The following PDE5A variants were observed in gnomAD, a reference collection of about 807,000 sequenced individuals.
PDE5A encodes cGMP-specific 3',5'-cyclic phosphodiesterase.
In PDE5A, 67 loss-of-function variants were observed where a neutral mutation model predicts 110.2. The ratio of observed to expected loss-of-function variants is 0.61; its 90% confidence interval spans 0.50 to 0.75. The LOEUF (loss-of-function observed/expected upper bound fraction) is 0.75. PDE5A is among the 30% of genes least tolerant of loss of function. PDE5A has a pLI of 0.00. For synonymous variants in PDE5A, 328 were observed against 351.2 expected (o/e 0.93, Z 0.74); for missense variants, 862 against 1,045.1 (o/e 0.82, Z 2.42).
intron 20 of PDE5A, 147 bp downstream of exon 20, chr4:119,501,023 T>G (rs1725303551): frequency 3.3e-6 from 2 of 597,502 alleles, no homozygotes; most frequent in Non-Finnish European, 5.9e-6. Context: ...TACAAACATG[T>G]TCATCAGTAA....
chr4:119,552,691 T>A (rs1236216182), intron 8 of PDE5A, 54 bp from the exon 9 acceptor site: 4 of 919,698 alleles, frequency 4.3e-6, no homozygotes, highest in Non-Finnish European at 6.6e-6. Context: ...GATTGATTTG[T>A]CCATTAGATG....
chr4:119,607,270 C>A lies in PDE5A; in HGVS notation c.180G>T (p.Glu60Asp). The A allele has an allele frequency of 6.2e-7, 1 of 1,611,948 alleles. No individual in the cohort carries two copies. The highest frequency in any genetic ancestry group is 8.5e-7 in the Non-Finnish European group (1 of 1,179,824). Residue 60 changes from glutamate to aspartate, a missense_variant, in exon 2 of 21, where the codon GAG becomes GAT. Coordinates refer to ENST00000354960, the MANE Select transcript of PDE5A (RefSeq NM_001083.4). ...TREMVNAWFA[E>D]RVHTIPVCKE... ...TGCACACAGGGATGGTGTGAACTCT[C>A]TCAGCAAACCATGCATTGACCATTT...
rs1730092949 is a variant in PDE5A, at chr4:119,620,174, T to C, written c.152+8346A>G. ...TTAGATGATTAAGAGATTAACAGAC[T>C]ATTATTAAACAAAACGGGAGATTTT... On this transcript the variant is annotated intron_variant, in intron 1 of 20. Transcript: ENST00000354960. Among the ~76,000 whole-genome samples, 3 of 152,226 alleles carry C rather than the reference T, an allele frequency of 2.0e-5. No homozygotes were observed. In the South Asian group the frequency reaches 6.2e-4, roughly 31 times the overall value.
At chr4:119,550,072 A>C (rs1229489907) in intron 9 of PDE5A, 1 of 152,134 alleles carries the variant, frequency 6.6e-6, no homozygotes. Flanking sequence ...TCCATGCTAC[A>C]ACTGTAGGTA....
intron 3 of PDE5A, among the ~76,000 whole-genome samples, chr4:119,575,599 G>A (rs904800211): frequency 6.6e-6 from 1 of 152,112 alleles, no homozygotes; most frequent in African/African-American, 2.4e-5. Context: ...CTTCATAAGT[G>A]AAGGAGAAAT....
intron 11 of PDE5A, among the ~76,000 whole-genome samples, chr4:119,537,802 T>G: frequency 6.6e-6 from 1 of 151,730 alleles, no homozygotes; most frequent in East Asian, 2.0e-4. Context: ...AACCTGCAGT[T>G]TCAGGGAAGT....
At chr4:119,613,357 T>C (rs1436256138) in intron 1 of PDE5A, among the ~76,000 whole-genome samples, 1 of 152,192 alleles carries the variant, frequency 6.6e-6, no homozygotes, top group African/African-American at 2.4e-5. Flanking sequence ...TTTGATAGAA[T>C]TAACTTTAAT....
At chr4:119,563,125 C>A (rs1462400638) in intron 5 of PDE5A, among the ~76,000 whole-genome samples, 155 bp from the exon 6 acceptor site, 2 of 152,128 alleles carry the variant, frequency 1.3e-5, no homozygotes, top group African/African-American at 2.4e-5. Flanking sequence ...TAACAAAATC[C>A]TTTATTGACT....
At chr4:119,561,556 T>C (rs1727746964) in intron 6 of PDE5A, among the ~76,000 whole-genome samples, 1 of 152,164 alleles carries the variant, frequency 6.6e-6, no homozygotes, top group South Asian at 2.1e-4. Context: ...AAAGGAGTGC[T>C]TCACATATAA....
chr4:119,496,005 A>G lies in PDE5A; in HGVS notation c.*2596T>C, dbSNP rs1226106834. The G allele has an allele frequency of 1.3e-5, 2 of 152,150 alleles. No homozygotes were observed. The highest frequency in any genetic ancestry group is 4.8e-5 in the African/African-American group (2 of 41,456). 9.4% of individuals were successfully genotyped at this position (152,150 alleles called of 1,614,324 possible). Reference sequence around the variant, plus strand: ...CAAACATAACTCCTTTTAAAAAAGCACAACTTGTTTAGGCACACAGAGGTT... The same window carrying G: ...CAAACATAACTCCTTTTAAAAAAGCGCAACTTGTTTAGGCACACAGAGGTT... On this transcript the variant is annotated 3_prime_UTR_variant, in exon 21 of 21. Transcript: ENST00000354960.
At chr4:119,628,496 G>C in intron 1 of PDE5A, 24 bp downstream of exon 1, 1 of 1,533,284 alleles carries the variant, frequency 6.5e-7, no homozygotes, top group African/African-American at 1.4e-5. Flanking sequence ...TCAGCCCCGG[G>C]TCTTCCGTGG....
chr4:119,616,483 C>T (rs1729947229), intron 1 of PDE5A, among the ~76,000 whole-genome samples: 2 of 152,124 alleles, frequency 1.3e-5, no homozygotes, highest in Non-Finnish European at 2.9e-5. Flanking sequence ...TCTTGCAGCT[C>T]AAACTGCTTA....
At chr4:119,608,775 A>AAAG (rs1729631773) in intron 1 of PDE5A, among the ~76,000 whole-genome samples, 1 of 152,218 alleles carries the variant, frequency 6.6e-6, no homozygotes, top group African/African-American at 2.4e-5. Flanking sequence ...TATACCAAAC[A>AAAG]AAAGTCCAGG....
intron 3 of PDE5A, among the ~76,000 whole-genome samples, chr4:119,574,107 T>C (rs1185681120): frequency 6.7e-6 from 1 of 148,630 alleles, no homozygotes; most frequent in African/African-American, 2.5e-5. Context: ...CCAGACTTGA[T>C]CCCAAGAGCT....
chr4:119,614,931 C>A (rs1294041977), intron 1 of PDE5A, among the ~76,000 whole-genome samples: 6 of 152,074 alleles, frequency 3.9e-5, no homozygotes, highest in Non-Finnish European at 5.9e-5. Context: ...CCAGTTCTGG[C>A]CTTTTATGAA....
intron 7 of PDE5A, 78 bp downstream of exon 7, chr4:119,560,218 A>G: frequency 2.5e-6 from 2 of 800,454 alleles, no homozygotes; most frequent in Non-Finnish European, 2.0e-6. Flanking sequence ...TATTTCTTAA[A>G]TCAAACTGGT....
chr4:119,499,816 C>CAA (rs1204521820), intron 20 of PDE5A: 1 of 152,158 alleles, frequency 6.6e-6, no homozygotes, highest in Non-Finnish European at 1.5e-5. Context: ...CTCTGCCTCC[C>CAA]AAAGTGCTGG....
chr4:119,553,722 A>G lies in PDE5A; in HGVS notation c.1224T>C (p.Asn408=). ...LTREHDANKI[N]YMYAQYVKNT... is the part of the protein sequence containing the mutation. Reference sequence around the variant, plus strand: ...TTTTGACATACTGAGCATACATGTAATTGATTTTGTTTGCATCATGTTCCC... The same window carrying G: ...TTTTGACATACTGAGCATACATGTAGTTGATTTTGTTTGCATCATGTTCCC... The change falls in exon 8 of 21, where the codon AAT becomes AAC. Residue 408 remains asparagine (N), a synonymous_variant. Transcript: ENST00000354960. 6.3e-7 allele frequency: 1 copy of G among 1,586,446 alleles called. No individual in the cohort carries two copies. Among genetic ancestry groups the G allele is most frequent in the Non-Finnish European group, 8.7e-7 (1 of 1,155,076 alleles).
intron 1 of PDE5A, chr4:119,628,144 C>A: frequency 4.0e-6 from 2 of 504,492 alleles, no homozygotes; most frequent in Non-Finnish European, 5.1e-6. Flanking sequence ...TCCGGAGCTG[C>A]AGGGAAGGGG....
Sources: allele counts gnomAD v4.1 joint callset (sites outside exome capture counted in the v4.1 genomes callset), GRCh38; gene constraint gnomAD v4.1.1; transcripts MANE v1.5; gene names NCBI Gene and HGNC (gene_info 2026-07-23, HGNC 2026-07-21).